CCDC30: variants seen among roughly 807,000 people sequenced by gnomAD.
The protein encoded by CCDC30 is coiled-coil domain containing 30.
In CCDC30, 70 loss-of-function variants were observed where a neutral mutation model predicts 100.2. That is an observed-to-expected ratio of 0.70 (90% confidence interval 0.58 to 0.85). CCDC30 has a LOEUF of 0.85. Ranked by LOEUF, CCDC30 falls within the 40% of genes least tolerant of loss-of-function variation. CCDC30 has a pLI of 0.00. For synonymous variants in CCDC30, 233 were observed against 269.5 expected, an observed-to-expected ratio of 0.86 and a Z score of 1.33; for missense variants, 652 against 771.2, an observed-to-expected ratio of 0.85 and a Z score of 1.83.
intron 6 of CCDC30, among the ~76,000 whole-genome samples, chr1:42,546,399 AATATATAT>A (rs66804938): frequency 8.4e-5 from 1 of 11,970 alleles, no homozygotes; most frequent in African/African-American, 2.0e-4. Flanking sequence ...AAAAAAAAAA[AATATATAT>A]ATATATATAT....
chr1:42,540,672 C>CATAT, intron 6 of CCDC30, among the ~76,000 whole-genome samples: 1 of 126,528 alleles, frequency 7.9e-6, no homozygotes, highest in East Asian at 3.1e-4. Context: ...CACACACATA[C>CATAT]ACATACACAC....
intron 4 of CCDC30, among the ~76,000 whole-genome samples, chr1:42,495,527 A>G (rs1484130282): frequency 1.6e-5 from 2 of 125,738 alleles, no homozygotes; most frequent in Non-Finnish European, 3.3e-5. Context: ...TAAAAATAAA[A>G]AAGCAAAAAA....
chr1:42,545,840 A>G (rs1053560650), intron 6 of CCDC30, among the ~76,000 whole-genome samples: 1 of 152,000 alleles, frequency 6.6e-6, no homozygotes, highest in East Asian at 1.9e-4. Context: ...CCTACTCGGG[A>G]GGCTGAGGTG....
In CCDC30 at chr1:42,520,504, G is replaced by A. The variant is rs531322435; in HGVS notation, c.456+21588G>A. On this transcript the variant is annotated intron_variant, in intron 6 of 16. Coordinates refer to ENST00000668663, the Ensembl canonical transcript of CCDC30. The stretch of plus-strand genomic sequence containing the variant: ...GCACCACCATGCCCGGCTAATTTTT[G>A]TATTTTTAGTAGAGACAGGGTTTCA... Among the ~76,000 whole-genome samples the A allele has an allele frequency of 4.0e-5, 6 of 150,318 alleles. No individual in the cohort carries two copies. The East Asian group carries it at 9.8e-4, about 25-fold the overall frequency.
intron 6 of CCDC30, among the ~76,000 whole-genome samples, chr1:42,543,766 A>G (rs1645064896): frequency 1.3e-5 from 2 of 152,314 alleles, no homozygotes; most frequent in South Asian, 4.1e-4. Flanking sequence ...TCTCCCCTAG[A>G]AAGGTTATAG....
rs72953718 is a variant in CCDC30 at position 42,582,714 on chromosome 1, G to A, written c.1001+1200G>A. On this transcript the variant is annotated intron_variant, in intron 9 of 16. Coordinates refer to ENST00000668663, the Ensembl canonical transcript of CCDC30. ...AACTGTTGGCATGACCTCTGCTCTTGACTGGTCCACTTTTGCTGTGACTGG... is the reference window on the plus strand; with the variant it reads ...AACTGTTGGCATGACCTCTGCTCTTAACTGGTCCACTTTTGCTGTGACTGG... Among the ~76,000 whole-genome samples the A allele has an allele frequency of 8.2e-3, 1,251 of 152,306 alleles. 13 individuals are homozygous for A. The highest frequency in any genetic ancestry group is 0.027 in the African/African-American group (1,131 of 41,556).
intron 3 of CCDC30, among the ~76,000 whole-genome samples, chr1:42,486,481 T>C (rs1644052998): frequency 6.6e-6 from 1 of 152,216 alleles, no homozygotes; most frequent in Non-Finnish European, 1.5e-5. Context: ...TCTTGGTATA[T>C]GCTAGGCAGA....
intron 1 of CCDC30, among the ~76,000 whole-genome samples, chr1:42,470,702 C>G (rs1445949847): frequency 6.6e-6 from 1 of 152,114 alleles, no homozygotes; most frequent in African/African-American, 2.4e-5. Flanking sequence ...TAAGCCAATA[C>G]AAAAGGACAA....
chr1:42,561,933 T>C (rs1645496824), intron 6 of CCDC30, among the ~76,000 whole-genome samples: 1 of 152,116 alleles, frequency 6.6e-6, no homozygotes, highest in Non-Finnish European at 1.5e-5. Flanking sequence ...AAACCACTGC[T>C]CAAGGAAATA....
chr1:42,607,950 T>G (rs1370619493), intron 10 of CCDC30, among the ~76,000 whole-genome samples: 1 of 152,168 alleles, frequency 6.6e-6, no homozygotes, highest in South Asian at 2.1e-4. Flanking sequence ...CAGAACCACA[T>G]GAGTTCAACA....
chr1:42,601,987 AT>A (rs1200220002), intron 10 of CCDC30, among the ~76,000 whole-genome samples: 1 of 152,192 alleles, frequency 6.6e-6, no homozygotes, highest in Non-Finnish European at 1.5e-5. Flanking sequence ...TATATTGAAA[AT>A]TTTTTAAATC....
rs147788428 is a variant in CCDC30, at chr1:42,530,218, C to A, written c.456+31302C>A. On this transcript the variant is annotated intron_variant, in intron 6 of 16. Coordinates refer to ENST00000668663, the Ensembl canonical transcript of CCDC30. ...ATAATGCCTAAGTCATTCACCTTCA[C>A]CTCATTATTTAGGCATTGTGCCATC... 5.2e-3 allele frequency among the ~76,000 whole-genome samples: 790 copies of A among 152,286 alleles called. 6 individuals carry two copies. Among genetic ancestry groups the A allele is most frequent in the African/African-American group, 0.018 (763 of 41,550 alleles).
At chr1:42,634,148 G>A (rs564637789) in intron 11 of CCDC30, among the ~76,000 whole-genome samples, 9 of 148,762 alleles carry the variant, frequency 6.0e-5, no homozygotes, top group Non-Finnish European at 1.2e-4. Context: ...TAGCCAAACC[G>A]TATCAATAGT....
intron 6 of CCDC30, among the ~76,000 whole-genome samples, chr1:42,513,011 C>T (rs1245887532): frequency 1.3e-5 from 2 of 152,152 alleles, no homozygotes; most frequent in East Asian, 3.9e-4. Context: ...AATTAAAGGA[C>T]AGATTTGAGA....
At chr1:42,469,014 A>T (rs996876788) in intron 1 of CCDC30, among the ~76,000 whole-genome samples, 15 of 151,910 alleles carry the variant, frequency 9.9e-5, no homozygotes, top group Admixed American at 1.3e-4. Context: ...ACATCACAGA[A>T]CAGAATTAAA....
chr1:42,582,913 C>T (rs1645995493), intron 9 of CCDC30, among the ~76,000 whole-genome samples: 1 of 152,192 alleles, frequency 6.6e-6, no homozygotes, highest in South Asian at 2.1e-4. Flanking sequence ...TGTAGCTAAT[C>T]TGAATGCAAC....
rs1390535799 is a variant in CCDC30 at position 42,639,901 on chromosome 1, A to C, written c.1419+2523A>C. On this transcript the variant is annotated intron_variant, in intron 12 of 16. Transcript: ENST00000668663. ...GAATTGCTTGAACCAGGGAGATAGA[A>C]GTTGCAGTGAGCCAAGATTGCACCA... 2.0e-5 allele frequency among the ~76,000 whole-genome samples: 3 copies of C among 151,364 alleles called. No homozygotes were observed. The East Asian group carries it at 5.8e-4, about 29-fold the overall frequency.
At chr1:42,555,068 C>T (rs573944960) in intron 6 of CCDC30, among the ~76,000 whole-genome samples, 1 of 152,274 alleles carries the variant, frequency 6.6e-6, no homozygotes, top group East Asian at 1.9e-4. Flanking sequence ...CAATAAATGA[C>T]AAACCTTATC....
intron 1 of CCDC30, among the ~76,000 whole-genome samples, chr1:42,468,389 G>C (rs1441286247): frequency 6.6e-6 from 1 of 152,138 alleles, no homozygotes; most frequent in Non-Finnish European, 1.5e-5. Context: ...CTAGTAGAAA[G>C]GAGTAAGGAG....
Sources: allele counts gnomAD v4.1 joint callset (sites outside exome capture counted in the v4.1 genomes callset), GRCh38; gene constraint gnomAD v4.1.1; transcripts MANE v1.5; gene names NCBI Gene and HGNC (gene_info 2026-07-23, HGNC 2026-07-21).